PXDNL: variants seen among roughly 807,000 people sequenced by gnomAD.
The protein encoded by PXDNL is peroxidasin like.
A neutral mutation model predicts 150.8 loss-of-function variants in PXDNL; 145 were observed. That is an observed-to-expected ratio of 0.96 (90% confidence interval 0.84 to 1.10). The LOEUF is 1.10. Ranked by LOEUF, PXDNL falls within the 50% of genes least tolerant of loss-of-function variation. The pLI is 0.00. For synonymous variants in PXDNL, 757 were observed against 725.7 expected (o/e 1.04, Z -0.69); for missense variants, 2,087 against 1,873.9 (o/e 1.11, Z -2.10).
intron 1 of PXDNL, among the ~76,000 whole-genome samples, chr8:51,685,728 A>G (rs954540614): frequency 2.0e-5 from 3 of 152,344 alleles, no homozygotes; most frequent in East Asian, 3.9e-4. Flanking sequence ...TTGAAGTCTC[A>G]GAACCTCATC....
intron 21 of PXDNL, among the ~76,000 whole-genome samples, chr8:51,338,560 C>T (rs1290987601): frequency 2.0e-5 from 3 of 152,256 alleles, no homozygotes; most frequent in Non-Finnish European, 4.4e-5. Context: ...AGCCTGGGCT[C>T]AGCCCATCCT....
At chr8:51,332,422 T>C (rs1805716969) in intron 21 of PXDNL, among the ~76,000 whole-genome samples, 1 of 152,082 alleles carries the variant, frequency 6.6e-6, no homozygotes, top group Non-Finnish European at 1.5e-5. Flanking sequence ...ACAAGGCTCA[T>C]CAATGATCCC....
At chr8:51,602,340 A>T (rs979374907) in intron 2 of PXDNL, among the ~76,000 whole-genome samples, 7 of 152,020 alleles carry the variant, frequency 4.6e-5, no homozygotes, top group Non-Finnish European at 1.0e-4. Context: ...TTTGCTTTAC[A>T]TAATCCCATA....
At chr8:51,390,737 T>C (rs979906633) in intron 17 of PXDNL, among the ~76,000 whole-genome samples, 2 of 146,778 alleles carry the variant, frequency 1.4e-5, no homozygotes, top group Admixed American at 6.7e-5. Context: ...ACAGATTTTC[T>C]TTTTTTTTTA....
intron 1 of PXDNL, among the ~76,000 whole-genome samples, chr8:51,738,152 C>A (rs1053824775): frequency 7.2e-5 from 11 of 152,224 alleles, no homozygotes; most frequent in African/African-American, 2.4e-4. Flanking sequence ...ACCCACAATA[C>A]AAATATAGTG....
At chr8:51,636,558 T>A (rs569913662) in intron 2 of PXDNL, among the ~76,000 whole-genome samples, 2 of 151,974 alleles carry the variant, frequency 1.3e-5, no homozygotes, top group African/African-American at 2.4e-5. Context: ...CAATAAATAA[T>A]CTGAAAAGAA....
chr8:51,493,148 C>T (rs191061913), intron 5 of PXDNL, among the ~76,000 whole-genome samples: 88 of 152,262 alleles, frequency 5.8e-4, no homozygotes, highest in African/African-American at 2.0e-3. Context: ...CTGCAGACTG[C>T]GCTGCTGATA....
In PXDNL at chr8:51,598,782, G is replaced by A. The variant is rs189416454; in HGVS notation, c.237-6084C>T. On this transcript the variant is annotated intron_variant, in intron 2 of 22. Coordinates refer to ENST00000356297, the MANE Select transcript of PXDNL (RefSeq NM_144651.5). Reference sequence around the variant, plus strand: ...ATGAGTTATGGAAAGGTGCCTCCTCGATTTTCTAACATAGGTTTGAGCAGA... The same window carrying A: ...ATGAGTTATGGAAAGGTGCCTCCTCAATTTTCTAACATAGGTTTGAGCAGA... 4.9e-4 allele frequency among the ~76,000 whole-genome samples: 74 copies of A among 152,038 alleles called. 2 individuals are homozygous for A. In the East Asian group the frequency reaches 0.011, roughly 23 times the overall value.
intron 4 of PXDNL, among the ~76,000 whole-genome samples, chr8:51,520,190 C>T (rs569832317): frequency 3.2e-4 from 48 of 152,244 alleles, no homozygotes; most frequent in African/African-American, 1.1e-3. Context: ...AGGCCCTGCT[C>T]CCTCACAGAA....
chr8:51,627,637 G>A (rs1000653862), intron 2 of PXDNL, among the ~76,000 whole-genome samples: 2 of 152,128 alleles, frequency 1.3e-5, no homozygotes, highest in African/African-American at 2.4e-5. Flanking sequence ...AACCAACTTC[G>A]TCAGAACTCT....
intron 3 of PXDNL, among the ~76,000 whole-genome samples, chr8:51,563,817 T>C (rs1275587495): frequency 1.3e-5 from 2 of 152,010 alleles, no homozygotes; most frequent in Admixed American, 1.3e-4. Context: ...CTCTGTGTGG[T>C]ATCATGCTCT....
At chr8:51,621,386 G>A (rs1424544737) in intron 2 of PXDNL, among the ~76,000 whole-genome samples, 6 of 151,560 alleles carry the variant, frequency 4.0e-5, no homozygotes, top group Non-Finnish European at 8.8e-5. Context: ...TTAAAATATT[G>A]TTGATAAAAC....
chr8:51,644,386 A>G (rs1224467714), intron 2 of PXDNL, among the ~76,000 whole-genome samples: 1 of 30,632 alleles, frequency 3.3e-5, no homozygotes, highest in Non-Finnish European at 6.9e-5. Flanking sequence ...ATACACACAC[A>G]TATGTGTATA....
intron 1 of PXDNL, among the ~76,000 whole-genome samples, chr8:51,738,158 T>TAGTG (rs1173280537): frequency 6.6e-6 from 1 of 152,212 alleles, no homozygotes; most frequent in Non-Finnish European, 1.5e-5. Flanking sequence ...AATACAAATA[T>TAGTG]AGTGAGCTTT....
intron 14 of PXDNL, among the ~76,000 whole-genome samples, chr8:51,421,617 T>G (rs978900897): frequency 6.6e-6 from 1 of 152,160 alleles, no homozygotes; most frequent in African/African-American, 2.4e-5. Context: ...GAGAATTGCT[T>G]GAACCCGAGA....
intron 2 of PXDNL, among the ~76,000 whole-genome samples, chr8:51,639,227 T>C (rs1301150721): frequency 6.6e-6 from 1 of 152,130 alleles, no homozygotes; most frequent in Non-Finnish European, 1.5e-5. Flanking sequence ...TTTATAGCAC[T>C]AAATGCCCAC....
At chr8:51,529,085 GT>G (rs1385676021) in intron 4 of PXDNL, among the ~76,000 whole-genome samples, 1 of 152,166 alleles carries the variant, frequency 6.6e-6, no homozygotes, top group African/African-American at 2.4e-5. Context: ...ACGATGTCAG[GT>G]TTTTTAAAAA....
chr8:51,413,957 A>G (rs562291701), intron 14 of PXDNL, among the ~76,000 whole-genome samples: 3 of 152,274 alleles, frequency 2.0e-5, no homozygotes, highest in South Asian at 2.1e-4. Context: ...TTGAGATACT[A>G]AAAGTACAGT....
intron 1 of PXDNL, among the ~76,000 whole-genome samples, chr8:51,780,524 A>C (rs915000220): frequency 1.8e-5 from 2 of 113,096 alleles, no homozygotes; most frequent in African/African-American, 2.5e-5. Flanking sequence ...TTTCTCAGTC[A>C]GTTTGGGCTG....
Sources: allele counts gnomAD v4.1 joint callset (sites outside exome capture counted in the v4.1 genomes callset), GRCh38; gene constraint gnomAD v4.1.1; transcripts MANE v1.5; gene names NCBI Gene and HGNC (gene_info 2026-07-23, HGNC 2026-07-21).